The following RFPL3 variants were observed in gnomAD, a reference collection of about 807,000 sequenced individuals.
RFPL3 encodes the protein ret finger protein like 3, also known as ret finger protein-like 3.
A neutral mutation model predicts 8.7 loss-of-function variants in RFPL3; 8 were observed. The ratio of observed to expected loss-of-function variants is 0.92; its 90% CI spans 0.54 to 1.66. The LOEUF is 1.66. Ranked by LOEUF, RFPL3 falls within the 40% of genes most tolerant of loss-of-function variation. The probability of loss-of-function intolerance (pLI) is 0.00; values close to 1 mark genes in which losing one functional copy is unlikely to be tolerated. For missense variants in RFPL3, 341 were observed against 395.0 expected, an observed-to-expected ratio of 0.86 and a Z score of 1.16; for synonymous variants, 145 against 150.5, an observed-to-expected ratio of 0.96 and a Z score of 0.27.
In RFPL3 at chr22:32,360,966, G is replaced by A; in HGVS notation, c.*134G>A. On this transcript the variant is annotated 3_prime_UTR_variant, in exon 2 of 2. Transcript: ENST00000249007. ...ATTTCTATAATCTATATTCTAATTT[G>A]ATTCGATTATTGAGTCGTAAGTATT... is the stretch of plus-strand genomic sequence containing the variant. The A allele has an allele frequency of 1.1e-6, 1 of 890,234 alleles. No homozygotes were observed. The highest frequency in any genetic ancestry group is 1.6e-6 in the Non-Finnish European group (1 of 632,088). The allele number at this position is 890,234 out of a possible 1,614,324, so 55.1% of individuals were successfully genotyped here.
intron 1 of RFPL3, among the ~76,000 whole-genome samples, chr22:32,359,411 T>C (rs1161163991): frequency 1.3e-5 from 2 of 149,586 alleles, no homozygotes; most frequent in East Asian, 2.4e-4. Flanking sequence ...GGATAATATA[T>C]TTTGTAGATT....
chr22:32,355,079 T>TCCGCCCCC (rs1298809700), upstream of RFPL3, among the ~76,000 whole-genome samples: 1 of 132,280 alleles, frequency 7.6e-6, no homozygotes, highest in Non-Finnish European at 1.6e-5. Context: ...TCCCCCCACT[T>TCCGCCCCC]GGCATCATTT....
chr22:32,360,968 TTCGATTATTGAG>T lies in RFPL3; in HGVS notation c.*140_*151del, dbSNP rs1569432111. The stretch of plus-strand genomic sequence containing the variant: ...TTCTATAATCTATATTCTAATTTGA[TTCGATTATTGAG>T]TCGTAAGTATTAATTATTGCCACCA... On this transcript the variant is annotated 3_prime_UTR_variant, in exon 2 of 2. Transcript: ENST00000249007. 1 of 882,208 alleles carries T rather than the reference TTCGATTATTGAG, an allele frequency of 1.1e-6. No homozygotes were observed. The highest frequency in any genetic ancestry group is 1.6e-6 in the Non-Finnish European group (1 of 624,752). 54.6% of individuals were successfully genotyped at this position (882,208 alleles called of 1,614,324 possible). A position where few individuals can be genotyped will look rare whatever the true frequency, so the allele number is the denominator to read the frequency against.
At chr22:32,356,401 C>G (rs1932668028), upstream of RFPL3, among the ~76,000 whole-genome samples, 2 of 151,168 alleles carry the variant, frequency 1.3e-5, no homozygotes, top group South Asian at 4.2e-4. Context: ...TCAGGAGACA[C>G]CCCTGGGAGT....
chr22:32,355,928 G>C (rs2413109), upstream of RFPL3, among the ~76,000 whole-genome samples: 65,333 of 152,004 alleles, frequency 0.43, 17,592 homozygotes, highest in African/African-American at 0.76. Flanking sequence ...CTGCACAGCT[G>C]GGATACTACC....
At chr22:32,356,717 C>CT (rs1391078051), upstream of RFPL3, 2 of 369,468 alleles carry the variant, frequency 5.4e-6, no homozygotes, top group African/African-American at 4.4e-5. Context: ...ACAGTGCTCT[C>CT]TTGTGTGTGA....
At chr22:32,357,588 T>G (rs1932711344), upstream of RFPL3, among the ~76,000 whole-genome samples, 1 of 152,058 alleles carries the variant, frequency 6.6e-6, no homozygotes, top group South Asian at 2.1e-4. Context: ...TGCCAAAGCC[T>G]CCCAAGTATC....
At chr22:32,360,183 T>C (rs1470661601) in intron 1 of RFPL3, 69 bp from the exon 2 acceptor site, 10 of 1,520,576 alleles carry the variant, frequency 6.6e-6, no homozygotes, top group South Asian at 2.6e-5. Flanking sequence ...ATTTGGGCCT[T>C]TGAAGTAGAA....
upstream of RFPL3, among the ~76,000 whole-genome samples, chr22:32,357,171 C>T (rs576720850): frequency 3.2e-4 from 48 of 152,154 alleles, no homozygotes; most frequent in African/African-American, 1.0e-3. Flanking sequence ...ATTCAGGGAA[C>T]CTCCGAGCCT....
upstream of RFPL3, among the ~76,000 whole-genome samples, chr22:32,357,165 AG>A (rs895085743): frequency 6.6e-6 from 1 of 152,188 alleles, no homozygotes. Context: ...TCTGTCATTC[AG>A]GGAACCTCCG....
upstream of RFPL3, among the ~76,000 whole-genome samples, chr22:32,357,446 A>G (rs372286954): frequency 1.3e-5 from 2 of 150,280 alleles, no homozygotes; most frequent in Non-Finnish European, 2.9e-5. Context: ...CTGGGATTAC[A>G]GATGTGAGCT....
At chr22:32,356,568 T>G, upstream of RFPL3, 1 of 194,778 alleles carries the variant, frequency 5.1e-6, no homozygotes, top group Non-Finnish European at 1.1e-5. Flanking sequence ...TTATTAAGGG[T>G]TTACTGGTAC....
chr22:32,359,366 C>T (rs1235015755), intron 1 of RFPL3, among the ~76,000 whole-genome samples: 1 of 152,058 alleles, frequency 6.6e-6, no homozygotes, highest in Non-Finnish European at 1.5e-5. Context: ...TCTATAAAAT[C>T]TATATTAGTG....
Position 32,360,835 on chromosome 22 carries a change from C to A in RFPL3, c.*3C>A. 1.3e-6 allele frequency: 2 copies of A among 1,501,056 alleles called. No individual in the cohort carries two copies. Among genetic ancestry groups the A allele is most frequent in the African/African-American group, 1.4e-5 (1 of 71,174 alleles). 93.0% of individuals were successfully genotyped at this position (1,501,056 alleles called of 1,614,324 possible). ...TCCGTCCTGGGGAGGCCAAATAAGC[C>A]GCCACTGCAAAAAAAAACAGGGTCA... is the stretch of plus-strand genomic sequence containing the variant. On this transcript the variant is annotated 3_prime_UTR_variant, in exon 2 of 2. Coordinates refer to ENST00000249007, the MANE Select transcript of RFPL3 (RefSeq NM_001098535.1).
upstream of RFPL3, chr22:32,354,971 A>C (rs775547264): frequency 2.6e-5 from 4 of 151,962 alleles, no homozygotes; most frequent in Non-Finnish European, 5.9e-5. Flanking sequence ...AAGCTTCCAG[A>C]CTCCAGTGTG....
In RFPL3 at chr22:32,361,109, A is replaced by C. The variant is rs530941373; in HGVS notation, c.*277A>C. ...TTTACTTTTTCATTTCTGTAAGTTC[A>C]AATCAATGTTTAAATTATAGAAGTT... On this transcript the variant is annotated 3_prime_UTR_variant, in exon 2 of 2. Transcript: ENST00000249007. 3.2e-6 allele frequency: 1 copy of C among 316,072 alleles called. No homozygotes were observed. Among genetic ancestry groups the C allele is most frequent in the Non-Finnish European group, 5.7e-6 (1 of 174,646 alleles). 19.6% of individuals were successfully genotyped at this position (316,072 alleles called of 1,614,324 possible).
chr22:32,358,225 T>C lies in RFPL3; in HGVS notation c.154T>C (p.Ser52Pro). 6.2e-7 allele frequency: 1 copy of C among 1,613,944 alleles called. No individual in the cohort carries two copies. The highest frequency in any genetic ancestry group is 8.5e-7 in the Non-Finnish European group (1 of 1,179,860). Residue 52 changes from serine (S) to proline (P), a missense_variant, in exon 1 of 2, where the codon TCC (serine) becomes CCC (proline). Transcript: ENST00000249007. ...CTCAGACTATCTGGAAAAACCAATG[T>C]CCCTGGAGTGTGGATGCACCGTCTG... ...VCSDYLEKPM[S>P]LECGCTVCLK...
chr22:32,360,809 G>C lies in RFPL3; in HGVS notation c.931G>C (p.Val311Leu), dbSNP rs759275801. ...LMNSGTTDAP[V>L]RPGEAK ...GAACTCAGGCACTACTGATGCTCCAGTCCGTCCTGGGGAGGCCAAATAAGC... is the reference window on the plus strand; with the variant it reads ...GAACTCAGGCACTACTGATGCTCCACTCCGTCCTGGGGAGGCCAAATAAGC... Residue 311 changes from valine to leucine, a missense_variant, in exon 2 of 2, where the codon GTC (valine) becomes CTC (leucine). By Grantham distance (32) the Val-to-Leu change is conservative (BLOSUM62 1). Transcript: ENST00000249007. The C allele has an allele frequency of 5.1e-6, 8 of 1,564,290 alleles. No homozygotes were observed. The highest frequency in any genetic ancestry group is 5.2e-6 in the Non-Finnish European group (6 of 1,155,042).
chr22:32,356,584 GA>G, upstream of RFPL3: 1 of 216,242 alleles, frequency 4.6e-6, no homozygotes, highest in Non-Finnish European at 9.5e-6. Flanking sequence ...GGTACAAGGA[GA>G]GGGGCTGGAT....
Sources: allele counts gnomAD v4.1 joint callset (sites outside exome capture counted in the v4.1 genomes callset), GRCh38; gene constraint gnomAD v4.1.1; transcripts MANE v1.5; gene names NCBI Gene and HGNC (gene_info 2026-07-23, HGNC 2026-07-21).